Variants in PLA2G5 observed in about 807,000 individuals in gnomAD.
PLA2G5 encodes the protein phospholipase A2 group V, also known as Ca2+-dependent phospholipase A2.
A neutral mutation model predicts 15.9 loss-of-function variants in PLA2G5; 12 were observed. The ratio of observed to expected loss-of-function variants is 0.76; its 90% CI spans 0.48 to 1.23. The LOEUF (loss-of-function observed/expected upper bound fraction) is 1.23, where lower values mean the gene tolerates loss of function less well. Among genes scored for constraint, PLA2G5 ranks in the 50% most tolerant of loss-of-function variants. The pLI is 0.00. For missense variants in PLA2G5, 169 were observed against 177.1 expected, an observed-to-expected ratio of 0.95 and a Z score of 0.26; for synonymous variants, 71 against 71.4, an observed-to-expected ratio of 0.99 and a Z score of 0.03.
chr1:20,035,005 A>C (rs2100291884), intron 1 of PLA2G5, among the ~76,000 whole-genome samples: 1 of 152,314 alleles, frequency 6.6e-6, no homozygotes. Context: ...AGGATCTGGA[A>C]GCAGGTCTGG....
At chr1:20,035,287 G>C (rs147797788) in intron 1 of PLA2G5, among the ~76,000 whole-genome samples, 92 of 152,264 alleles carry the variant, frequency 6.0e-4, no homozygotes, top group African/African-American at 1.9e-3. Flanking sequence ...GCCTGGGTGG[G>C]AGGGGAGTTG....
chr1:20,087,437 A>T (rs183846431), intron 3 of PLA2G5, among the ~76,000 whole-genome samples: 2 of 151,894 alleles, frequency 1.3e-5, no homozygotes, highest in African/African-American at 4.8e-5. Context: ...TCTGTCGCCC[A>T]GGCTGGAGTG....
At chr1:20,083,055 G>A (rs1054637544) in intron 1 of PLA2G5, among the ~76,000 whole-genome samples, 1 of 151,974 alleles carries the variant, frequency 6.6e-6, no homozygotes, top group African/African-American at 2.4e-5. Flanking sequence ...CACACCAGAG[G>A]TGCTCAGTGA....
At chr1:20,036,885 G>A (rs967485693) in intron 1 of PLA2G5, among the ~76,000 whole-genome samples, 4 of 151,924 alleles carry the variant, frequency 2.6e-5, no homozygotes, top group Admixed American at 6.6e-5. Flanking sequence ...CGCTGGTCTC[G>A]AACTCCCGAC....
rs116898036 is a variant in PLA2G5 at position 20,033,337 on chromosome 1, C to A, written n.276+4628C>A. 9.3e-4 allele frequency among the ~76,000 whole-genome samples: 142 copies of A among 152,228 alleles called. 1 individual carries two copies. In the East Asian group the frequency reaches 0.023, roughly 25 times the overall value. Reference sequence around the variant, plus strand: ...GGAGAGGGAGTCTAAGAGGTCCAGGCAGGAGTGAGAGAGCTCATGTGTTTA... The same window carrying A: ...GGAGAGGGAGTCTAAGAGGTCCAGGAAGGAGTGAGAGAGCTCATGTGTTTA... On this transcript the variant is annotated intron_variant and non_coding_transcript_variant, in intron 1 of 6. Coordinates refer to the PLA2G5 transcript ENST00000460175.
upstream of PLA2G5, among the ~76,000 whole-genome samples, chr1:20,069,929 C>G (rs558539150): frequency 1.2e-4 from 19 of 152,064 alleles, no homozygotes; most frequent in South Asian, 4.0e-3. Flanking sequence ...CCCGCCAAGA[C>G]TGATGAGCCC....
intron 1 of PLA2G5, among the ~76,000 whole-genome samples, chr1:20,044,495 G>T (rs778052830): frequency 1.3e-5 from 2 of 152,170 alleles, no homozygotes; most frequent in Non-Finnish European, 2.9e-5. Context: ...AGGCTGTAAA[G>T]CGTCTAAGGG....
intron 1 of PLA2G5, among the ~76,000 whole-genome samples, chr1:20,071,730 T>C (rs2015387353): frequency 6.6e-6 from 1 of 152,092 alleles, no homozygotes; most frequent in Admixed American, 6.5e-5. Context: ...TTTCTTCCCC[T>C]AGGATGTCCC....
Position 20,070,349 on chromosome 1 carries a change from T to C in PLA2G5, c.-127T>C. The C allele has an allele frequency of 2.0e-6, 2 of 985,506 alleles. No homozygotes were observed. The highest frequency in any genetic ancestry group is 2.4e-6 in the Non-Finnish European group (2 of 829,982). The allele number at this position is 985,506 out of a possible 1,614,324, so 61.0% of individuals were successfully genotyped here. A position where few individuals can be genotyped will look rare whatever the true frequency, so the allele number is the denominator to read the frequency against. On this transcript the variant is annotated 5_prime_UTR_variant, in exon 1 of 5. Coordinates refer to ENST00000375108, the MANE Select transcript of PLA2G5 (RefSeq NM_000929.3). ...TCCCCCCGGATCCATGGTCTGTGGA[T>C]ACCAATGTTCCGACTGGAGACGGGG...
chr1:20,045,790 C>T (rs557171636), intron 1 of PLA2G5, among the ~76,000 whole-genome samples: 7 of 152,122 alleles, frequency 4.6e-5, no homozygotes, highest in South Asian at 2.1e-4. Flanking sequence ...AAATGTCATG[C>T]GTGTCCATGT....
In PLA2G5 at chr1:20,070,195, G is replaced by T. The variant is rs1289192394; in HGVS notation, c.-281G>T. 1.5e-5 allele frequency: 15 copies of T among 985,382 alleles called. No homozygotes were observed. The highest frequency in any genetic ancestry group is 1.8e-5 in the Non-Finnish European group (15 of 829,982). 61.0% of individuals were successfully genotyped at this position (985,382 alleles called of 1,614,324 possible). Reference sequence around the variant, plus strand: ...AGGACTTCCTGCCTCTGCAAAGGCAGTCGGGGGCTGAGCAGGGTTCTACCC... The same window carrying T: ...AGGACTTCCTGCCTCTGCAAAGGCATTCGGGGGCTGAGCAGGGTTCTACCC... On this transcript the variant is annotated 5_prime_UTR_variant, in exon 1 of 5. Transcript: ENST00000375108.
At chr1:20,031,309 A>C (rs1201172727) in intron 1 of PLA2G5, among the ~76,000 whole-genome samples, 1 of 152,024 alleles carries the variant, frequency 6.6e-6, no homozygotes, top group Admixed American at 6.6e-5. Context: ...AAAAGAGGGG[A>C]TCGTGACTGA....
At chr1:20,077,704 A>C (rs1176283152) in intron 1 of PLA2G5, among the ~76,000 whole-genome samples, 2 of 152,104 alleles carry the variant, frequency 1.3e-5, no homozygotes, top group African/African-American at 4.8e-5. Flanking sequence ...TGATTATCCT[A>C]TTTTACACAG....
chr1:20,052,472 A>C (rs2014223361), intron 1 of PLA2G5, among the ~76,000 whole-genome samples: 2 of 152,192 alleles, frequency 1.3e-5, no homozygotes, highest in African/African-American at 2.4e-5. Flanking sequence ...TGATGCATGG[A>C]CCTCAGAGTA....
chr1:20,087,725 TAGGA>T (rs2016365517), intron 3 of PLA2G5, among the ~76,000 whole-genome samples: 1 of 152,018 alleles, frequency 6.6e-6, no homozygotes, highest in South Asian at 2.1e-4. Context: ...TGGTCAATTC[TAGGA>T]CCAAGGCAGG....
chr1:20,056,834 T>C (rs679963), intron 1 of PLA2G5, among the ~76,000 whole-genome samples: 73,719 of 151,932 alleles, frequency 0.49, 18,839 homozygotes, highest in African/African-American at 0.63. Context: ...CCAGTGAAAC[T>C]ATCTGGGCCT....
At position 20,091,142 on chromosome 1, in the gene PLA2G5, A is replaced by G. The variant is rs749688159; in HGVS notation, c.*450A>G. ...TAAATCTGGTGTATGGGTATTAAAT[A>G]AAATTCATTCTCAAGGCTAATAAAA... On this transcript the variant is annotated 3_prime_UTR_variant, in exon 5 of 5. Transcript: ENST00000375108. 1 of 154,684 alleles carries G rather than the reference A, an allele frequency of 6.5e-6. No homozygotes were observed. The highest frequency in any genetic ancestry group is 1.4e-5 in the Non-Finnish European group (1 of 69,692). 9.6% of individuals were successfully genotyped at this position (154,684 alleles called of 1,614,324 possible).
At chr1:20,030,613 G>A (rs996289900) in intron 1 of PLA2G5, among the ~76,000 whole-genome samples, 3 of 152,048 alleles carry the variant, frequency 2.0e-5, no homozygotes, top group Non-Finnish European at 2.9e-5. Flanking sequence ...GCCGGGCTGG[G>A]GGATGGTCAG....
Position 20,090,553 on chromosome 1 carries a change from G to A in PLA2G5, c.293-15G>A, listed in dbSNP as rs528758085. 1.9e-6 allele frequency: 3 copies of A among 1,613,970 alleles called. No homozygotes were observed. The African/African-American group carries it at 4.0e-5, about 22-fold the overall frequency. On this transcript the variant is annotated splice_polypyrimidine_tract_variant and intron_variant, in intron 4 of 4. Coordinates refer to ENST00000375108, the MANE Select transcript of PLA2G5 (RefSeq NM_000929.3). ...CTCTTCCCACCCTCATTCTGCTCTT[G>A]GTGTCCTTTTGCAGAGCCCGGGCCC...
Sources: allele counts gnomAD v4.1 joint callset (sites outside exome capture counted in the v4.1 genomes callset), GRCh38; gene constraint gnomAD v4.1.1; transcripts MANE v1.5; gene names NCBI Gene and HGNC (gene_info 2026-07-23, HGNC 2026-07-21).